Variants in SLC38A10 observed in about 807,000 individuals in gnomAD.
SLC38A10 encodes solute carrier family 38 member 10, also known as Sodium-coupled neutral amino acid transporter 10.
In SLC38A10, 53 loss-of-function variants were observed where a neutral mutation model predicts 81.0. The observed-to-expected ratio is 0.65, with a 90% CI of 0.53 to 0.82. SLC38A10 has a LOEUF of 0.82. Among genes scored for constraint, SLC38A10 ranks in the 40% least tolerant of loss-of-function variants. The pLI is 0.00. For synonymous variants in SLC38A10, 665 were observed against 655.3 expected, an observed-to-expected ratio of 1.01 and a Z score of -0.23; for missense variants, 1,471 against 1,545.0, an observed-to-expected ratio of 0.95 and a Z score of 0.80.
intron 14 of SLC38A10, 185 bp from the exon 15 acceptor site, chr17:81,247,246 A>C: frequency 1.8e-6 from 1 of 565,942 alleles, no homozygotes. Context: ...TGATGCACGC[A>C]GGCCTGAGGG....
At chr17:81,250,348 C>T (rs959690423) in intron 14 of SLC38A10, among the ~76,000 whole-genome samples, 5 of 152,240 alleles carry the variant, frequency 3.3e-5, no homozygotes, top group African/African-American at 4.8e-5. Context: ...GCAAGGAGGG[C>T]GAGCTGCACC....
rs1021734773 is a variant in SLC38A10 at position 81,286,293 on chromosome 17, C to A, written c.218-1398G>T. 4.6e-5 allele frequency among the ~76,000 whole-genome samples: 7 copies of A among 152,208 alleles called. No homozygotes were observed. Among genetic ancestry groups the A allele is most frequent in the African/African-American group, 1.7e-4 (7 of 41,452 alleles). On this transcript the variant is annotated intron_variant, in intron 2 of 15. Transcript: ENST00000374759. The surrounding 1 kb of genome is among the most constrained non-coding windows in gnomAD (Gnocchi z 6.0). ...CGAGCGCACCTTGCCCAAGAAGGTT[C>A]CGGAATATGCCTGCCACTGGCAAGG...
Position 81,277,865 on chromosome 17 carries a change from A to G in SLC38A10, c.627-732T>C, listed in dbSNP as rs1360072458. On this transcript the variant is annotated intron_variant, in intron 6 of 15. Transcript: ENST00000374759. The surrounding 1 kb of genome is among the most constrained non-coding windows in gnomAD (Gnocchi z 4.5). ...ATCTGTGTGCAGCCGGGGAGAAGGGAGTTGGGCCAGGCACACGCCAGAGCA... is the reference window on the plus strand; with the variant it reads ...ATCTGTGTGCAGCCGGGGAGAAGGGGGTTGGGCCAGGCACACGCCAGAGCA... Among the ~76,000 whole-genome samples the G allele has an allele frequency of 6.6e-6, 1 of 152,184 alleles. No individual in the cohort carries two copies. The highest frequency in any genetic ancestry group is 1.5e-5 in the Non-Finnish European group (1 of 68,024).
chr17:81,282,433 G>T, intron 4 of SLC38A10, 101 bp from the exon 5 acceptor site: 1 of 1,476,016 alleles, frequency 6.8e-7, no homozygotes, highest in South Asian at 1.3e-5. Context: ...CCCGAAAGCC[G>T]ACGGCATCCA....
In SLC38A10 at chr17:81,253,700, TCAC is replaced by T. The variant is rs1346369820; in HGVS notation, c.1289-463_1289-461del. On this transcript the variant is annotated intron_variant, in intron 11 of 15. Transcript: ENST00000374759. The surrounding 1 kb of genome is among the most constrained non-coding windows in gnomAD (Gnocchi z 4.1). ...ATCCCTACCACCAACATCACCATCATCACCATCACCATCACCATCATCACCATC... is the reference window on the plus strand; with the variant it reads ...ATCCCTACCACCAACATCACCATCATCATCACCATCACCATCATCACCATC... 2.8e-5 allele frequency among the ~76,000 whole-genome samples: 4 copies of T among 144,790 alleles called. No homozygotes were observed. Among genetic ancestry groups the T allele is most frequent in the African/African-American group, 1.0e-4 (4 of 38,690 alleles). The allele number at this position is 144,790 out of a possible 152,430, so 95.0% of individuals were successfully genotyped here. A position where few individuals can be genotyped will look rare whatever the true frequency, so the allele number is the denominator to read the frequency against.
At chr17:81,287,341 G>A (rs2063276017) in intron 2 of SLC38A10, among the ~76,000 whole-genome samples, 1 of 152,184 alleles carries the variant, frequency 6.6e-6, no homozygotes, top group African/African-American at 2.4e-5. Context: ...TGCGAGGACG[G>A]GACCCAGCCC....
chr17:81,250,987 G>C (rs2062904933), intron 14 of SLC38A10: 7 of 1,348,060 alleles, frequency 5.2e-6, no homozygotes, highest in African/African-American at 1.5e-5. Context: ...CGAGGCCCGA[G>C]GGTGTGGGAG....
intron 10 of SLC38A10, among the ~76,000 whole-genome samples, chr17:81,266,393 G>A (rs1468171896): frequency 6.6e-6 from 1 of 152,196 alleles, no homozygotes; most frequent in Non-Finnish European, 1.5e-5. Flanking sequence ...GCCGAGGCGG[G>A]CGGATCATGA....
rs754752950 is a variant in SLC38A10, at chr17:81,252,700, G to A, written c.1457-17C>T. On this transcript the variant is annotated splice_polypyrimidine_tract_variant and intron_variant, in intron 12 of 15. Coordinates refer to ENST00000374759, the MANE Select transcript of SLC38A10 (RefSeq NM_001037984.3). ...CAGCAATCCCTGCAAGGGCACGGGG[G>A]ACAGATGGGGTCAGGCTGAGGCCCC... 5.7e-6 allele frequency: 9 copies of A among 1,579,372 alleles called. No individual in the cohort carries two copies. The highest frequency in any genetic ancestry group is 1.3e-5 in the African/African-American group (1 of 74,190).
intron 8 of SLC38A10, 104 bp downstream of exon 8, chr17:81,275,865 T>A (rs1358902742): frequency 2.2e-6 from 3 of 1,351,242 alleles, no homozygotes; most frequent in East Asian, 4.8e-5. Context: ...CTGACGCAAA[T>A]CCCCACTTTC....
intron 5 of SLC38A10, 36 bp from the exon 6 acceptor site, chr17:81,280,769 C>A: frequency 6.3e-7 from 1 of 1,585,110 alleles, no homozygotes; most frequent in Non-Finnish European, 8.6e-7. Context: ...CGGGGCAGGT[C>A]AGGACGCAGG....
chr17:81,268,834 T>G (rs1029526385), intron 10 of SLC38A10, among the ~76,000 whole-genome samples: 1 of 152,124 alleles, frequency 6.6e-6, no homozygotes, highest in African/African-American at 2.4e-5. Context: ...TCTTAAATAC[T>G]CCCATTCACA....
In SLC38A10 at chr17:81,277,178, G is replaced by A. The variant is rs775802324; in HGVS notation, c.627-45C>T. On this transcript the variant is annotated intron_variant, in intron 6 of 15. Transcript: ENST00000374759. The surrounding 1 kb of genome is among the most constrained non-coding windows in gnomAD (Gnocchi z 4.5). Reference sequence around the variant, plus strand: ...TTCACAGCGGACCTGAGAGAGGCACGCCCTCCCCAGCGGCTCCACTTCTAG... The same window carrying A: ...TTCACAGCGGACCTGAGAGAGGCACACCCTCCCCAGCGGCTCCACTTCTAG... 32 of 1,564,652 alleles carry A rather than the reference G, an allele frequency of 2.0e-5. No individual in the cohort carries two copies. Among genetic ancestry groups the A allele is most frequent in the Middle Eastern group, 1.9e-4 (1 of 5,300 alleles).
intron 14 of SLC38A10, among the ~76,000 whole-genome samples, chr17:81,249,433 G>GGGAGGGAGAAGGAAGGAGGGAAGA (rs1567922577): frequency 0.011 from 9 of 832 alleles, 2 homozygotes; most frequent in African/African-American, 0.022. Flanking sequence ...GGGAGAAGGA[G>GGGAGGGAGAAGGAAGGAGGGAAGA]GGAGGGAGAA....
chr17:81,272,001 A>G (rs1567938611), intron 9 of SLC38A10, among the ~76,000 whole-genome samples: 2 of 151,470 alleles, frequency 1.3e-5, no homozygotes, highest in African/African-American at 4.9e-5. Context: ...TGCGGGGATT[A>G]CAGGCGTGAG....
At chr17:81,263,935 C>T (rs2063046755) in intron 10 of SLC38A10, 1 of 152,614 alleles carries the variant, frequency 6.6e-6, no homozygotes, top group Non-Finnish European at 1.5e-5. Context: ...GGAAGCAGCA[C>T]AGCATTCACT....
rs2063292858 is a variant in SLC38A10 at position 81,289,471 on chromosome 17, C to T, written c.217+220G>A. Among the ~76,000 whole-genome samples, 1 of 152,084 alleles carries T rather than the reference C, an allele frequency of 6.6e-6. No homozygotes were observed. Among genetic ancestry groups the T allele is most frequent in the Admixed American group, 6.5e-5 (1 of 15,272 alleles). ...CACTGCCACCTCAGACTCCTAGGCTCAGGTGATCCTCCCACCTCAGCCTCC... is the reference window on the plus strand; with the variant it reads ...CACTGCCACCTCAGACTCCTAGGCTTAGGTGATCCTCCCACCTCAGCCTCC... On this transcript the variant is annotated intron_variant, in intron 2 of 15. Coordinates refer to ENST00000374759, the MANE Select transcript of SLC38A10 (RefSeq NM_001037984.3). The surrounding 1 kb of genome is among the most constrained non-coding windows in gnomAD (Gnocchi z 5.9).
In SLC38A10 at chr17:81,245,762, G is replaced by A. The variant is rs375255904; in HGVS notation, c.3154C>T (p.Arg1052Ter). ...GCATGAGGGCCAAGGTCCCGCCGTC[G>A]CCTCCGGAGGTCGGAGCCAGCCTGC... ...KLQAGSDLRR[R>*]RRDLGPHAEG... The change falls in exon 16 of 16, where the codon CGA (arginine) becomes TGA (stop). Residue 1052 changes from arginine (R) to a stop codon, truncating the protein, a stop_gained. Transcript: ENST00000374759. LOFTEE classifies it low-confidence loss of function (END_TRUNC). The A allele has an allele frequency of 4.4e-5, 70 of 1,595,492 alleles. No homozygotes were observed. The highest frequency in any genetic ancestry group is 1.8e-4 in the East Asian group (8 of 44,360).
At chr17:81,249,808 G>C (rs2062894011) in intron 14 of SLC38A10, among the ~76,000 whole-genome samples, 1 of 152,152 alleles carries the variant, frequency 6.6e-6, no homozygotes, top group African/African-American at 2.4e-5. Flanking sequence ...CGCTTGCAGA[G>C]ACCAGCTGCC....
Sources: gnomAD v4.1 joint callset for allele counts (sites outside exome capture counted in the v4.1 genomes callset) on GRCh38, gnomAD v4.1.1 for gene constraint, Gnocchi (gnomAD v3.1) non-coding constraint, MANE v1.5 for transcripts, NCBI Gene and HGNC (gene_info 2026-07-23, HGNC 2026-07-21) for gene names.